CHODL: variants seen among roughly 807,000 people sequenced by gnomAD.
The protein encoded by CHODL is chondrolectin.
A neutral mutation model predicts 34.5 loss-of-function variants in CHODL; 29 were observed. That is an observed-to-expected ratio of 0.84 (90% CI 0.63 to 1.15). The LOEUF (loss-of-function observed/expected upper bound fraction) is 1.15. Among genes scored for constraint, CHODL ranks in the 50% most tolerant of loss-of-function variants. CHODL has a pLI of 0.00. For synonymous variants in CHODL, 125 were observed against 116.1 expected (o/e 1.08, Z -0.49); for missense variants, 332 against 332.5 (o/e 1.00, Z 0.01).
intron 2 of CHODL, among the ~76,000 whole-genome samples, chr21:18,041,166 T>G (rs2064371021): frequency 6.6e-6 from 1 of 151,934 alleles, no homozygotes; most frequent in Admixed American, 6.6e-5. Flanking sequence ...AAAGTCATTT[T>G]GTTCATTTGT....
At chr21:18,030,289 A>AC (rs1465713885) in intron 2 of CHODL, among the ~76,000 whole-genome samples, 1 of 152,188 alleles carries the variant, frequency 6.6e-6, no homozygotes, top group Non-Finnish European at 1.5e-5. Flanking sequence ...ATGGCAAGGA[A>AC]CTACCTGGTT....
intron 2 of CHODL, among the ~76,000 whole-genome samples, chr21:18,049,870 G>T (rs917268661): frequency 6.6e-6 from 1 of 151,920 alleles, no homozygotes; most frequent in Admixed American, 6.6e-5. Flanking sequence ...TTTGGGAAAC[G>T]TAATTCAGCA....
chr21:18,107,870 C>T (rs1202157642), intron 2 of CHODL, among the ~76,000 whole-genome samples: 1 of 152,142 alleles, frequency 6.6e-6, no homozygotes, highest in East Asian at 1.9e-4. Flanking sequence ...TGTTTGATTC[C>T]CACATGACAT....
intron 1 of CHODL, among the ~76,000 whole-genome samples, chr21:18,253,891 C>A (rs988726792): frequency 4.3e-4 from 65 of 152,246 alleles, no homozygotes; most frequent in African/African-American, 1.5e-3. Context: ...ACAGAGGGAA[C>A]AACTCTTGGC....
chr21:17,942,070 A>T (rs1157191148), intron 1 of CHODL, among the ~76,000 whole-genome samples: 1 of 152,222 alleles, frequency 6.6e-6, no homozygotes, highest in African/African-American at 2.4e-5. Context: ...AAACATTCAG[A>T]TCATAACAAC....
chr21:18,005,566 A>G (rs2063952371), intron 1 of CHODL, among the ~76,000 whole-genome samples: 1 of 152,216 alleles, frequency 6.6e-6, no homozygotes, highest in South Asian at 2.1e-4. Context: ...TGGAAGCAAT[A>G]TTAGGTTCAG....
At chr21:18,253,937 GTTGT>G (rs373053681) in intron 1 of CHODL, among the ~76,000 whole-genome samples, 17 of 152,046 alleles carry the variant, frequency 1.1e-4, no homozygotes, top group African/African-American at 3.9e-4. Context: ...TTTATGATTG[GTTGT>G]TCTCAGTTTG....
At chr21:18,228,177 C>T (rs778153081) in intron 2 of CHODL, among the ~76,000 whole-genome samples, 2 of 152,102 alleles carry the variant, frequency 1.3e-5, no homozygotes, top group African/African-American at 2.4e-5. Context: ...AATTTGATAG[C>T]TTACTCATTG....
At chr21:18,075,679 T>C (rs138488523) in intron 2 of CHODL, among the ~76,000 whole-genome samples, 4 of 152,334 alleles carry the variant, frequency 2.6e-5, no homozygotes, top group African/African-American at 4.8e-5. Flanking sequence ...ATTTCCATCA[T>C]CTGCCTGCTA....
intron 2 of CHODL, among the ~76,000 whole-genome samples, chr21:18,030,283 CA>C (rs2064232258): frequency 6.6e-6 from 1 of 152,150 alleles, no homozygotes; most frequent in Admixed American, 6.5e-5. Context: ...ACCTGCATGG[CA>C]AGGAACTACC....
At chr21:18,031,087 G>T (rs2064242097) in intron 2 of CHODL, among the ~76,000 whole-genome samples, 1 of 152,072 alleles carries the variant, frequency 6.6e-6, no homozygotes, top group Admixed American at 6.6e-5. Flanking sequence ...CAAAATTTTG[G>T]TTCATAATGG....
chr21:18,244,990 C>G lies in CHODL; in HGVS notation c.-234C>G. 2.2e-6 allele frequency: 1 copy of G among 456,160 alleles called. No homozygotes were observed. The highest frequency in any genetic ancestry group is 3.8e-6 in the Non-Finnish European group (1 of 260,398). 28.3% of individuals were successfully genotyped at this position (456,160 alleles called of 1,614,324 possible). ...CCCCCTAACTTCAGTCCCCCAAACG[C>G]GCACCCTCGAAGTCTTGAACTCCAG... On this transcript the variant is annotated 5_prime_UTR_variant, in exon 1 of 6. Transcript: ENST00000299295.
chr21:17,919,886 C>T (rs148972189), intron 1 of CHODL, among the ~76,000 whole-genome samples: 136 of 152,340 alleles, frequency 8.9e-4, no homozygotes, highest in African/African-American at 3.2e-3. Context: ...AATCATCTTT[C>T]TCAAGTTCAG....
chr21:18,127,378 T>C (rs1157385142), intron 2 of CHODL, among the ~76,000 whole-genome samples: 1 of 151,972 alleles, frequency 6.6e-6, no homozygotes, highest in Non-Finnish European at 1.5e-5. Flanking sequence ...TATAGGAAAA[T>C]GGTTGATTTT....
intron 1 of CHODL, chr21:18,024,625 C>T (rs1053184837): frequency 2.0e-5 from 3 of 152,116 alleles, no homozygotes; most frequent in African/African-American, 7.2e-5. Context: ...GTGTACCTGA[C>T]ATAGTGGGAA....
intron 1 of CHODL, among the ~76,000 whole-genome samples, chr21:17,999,944 G>A (rs2063889913): frequency 2.6e-5 from 4 of 152,240 alleles, no homozygotes; most frequent in African/African-American, 7.2e-5. Flanking sequence ...TTTAAATCAT[G>A]CTCAAGATGA....
chr21:18,210,452 G>A (rs993049384), intron 2 of CHODL, among the ~76,000 whole-genome samples: 2 of 152,186 alleles, frequency 1.3e-5, no homozygotes, highest in Admixed American at 6.5e-5. Flanking sequence ...AACCAGGTAT[G>A]TGATTGCTCA....
rs200635181 is a variant in CHODL at position 17,930,549 on chromosome 21, GC to G, written c.-145+13151del. Among the ~76,000 whole-genome samples, 1,159 of 152,330 alleles carry G rather than the reference GC, an allele frequency of 7.6e-3. 20 individuals carry two copies. Among genetic ancestry groups the G allele is most frequent in the African/African-American group, 0.026 (1,079 of 41,576 alleles). ...AAAGCATTCTGCCAGCAGCCTGGGG[GC>G]CAGCCCACCCCTTCCTATCACAGCC... On this transcript the variant is annotated intron_variant, in intron 1 of 6. Coordinates refer to the CHODL transcript ENST00000400127.
rs2074149030 is a variant in CHODL, at chr21:18,246,966, G to T, written c.79+1664G>T. 2.0e-5 allele frequency among the ~76,000 whole-genome samples: 3 copies of T among 152,068 alleles called. 1 individual carries two copies. In the South Asian group the frequency reaches 6.2e-4, roughly 32 times the overall value. On this transcript the variant is annotated intron_variant, in intron 1 of 5. Coordinates refer to ENST00000299295, the MANE Select transcript of CHODL (RefSeq NM_024944.3). ...ATGATCTATTTGATTTAGCATAAAT[G>T]ATGATGTTTATTTGATATTAAAATA...
Sources: allele counts gnomAD v4.1 joint callset (sites outside exome capture counted in the v4.1 genomes callset), GRCh38; gene constraint gnomAD v4.1.1; transcripts MANE v1.5; gene names NCBI Gene and HGNC (gene_info 2026-07-23, HGNC 2026-07-21).